The following CUL4A variants were observed in gnomAD, a reference collection of about 807,000 sequenced individuals.
CUL4A encodes the protein cullin 4A.
CUL4A carries 16 observed loss-of-function variants against 95.5 expected under a neutral mutation model. That is an observed-to-expected ratio of 0.17 (90% CI 0.11 to 0.25). The LOEUF is 0.25. Ranked by LOEUF, CUL4A falls within the 10% of genes least tolerant of loss-of-function variation. CUL4A has a pLI of 1.00. For missense variants in CUL4A, 610 were observed against 937.0 expected (o/e 0.65, Z 4.56); for synonymous variants, 380 against 353.1 (o/e 1.08, Z -0.85).
chr13:113,235,027 T>C, intron 7 of CUL4A, 36 bp from the exon 8 acceptor site: 1 of 1,439,482 alleles, frequency 6.9e-7, no homozygotes, highest in Non-Finnish European at 9.7e-7. Context: ...CGACATTCTT[T>C]TTGTTACTGA....
intron 2 of CUL4A, among the ~76,000 whole-genome samples, chr13:113,216,331 A>G (rs901847026): frequency 6.6e-6 from 1 of 152,224 alleles, no homozygotes; most frequent in Admixed American, 6.5e-5. Flanking sequence ...ACTCCAGGCA[A>G]TGCTTTGACA....
chr13:113,233,507 C>T (rs948688327), intron 6 of CUL4A, among the ~76,000 whole-genome samples, 168 bp downstream of exon 6: 2 of 152,054 alleles, frequency 1.3e-5, no homozygotes, highest in African/African-American at 4.8e-5. Context: ...TAACACCACA[C>T]CAGGTGCCAC....
intron 3 of CUL4A, among the ~76,000 whole-genome samples, chr13:113,227,235 C>T (rs186773583): frequency 5.3e-5 from 8 of 152,340 alleles, no homozygotes; most frequent in South Asian, 4.1e-4. Context: ...GAGTGTGGCT[C>T]ATCAACAGCA....
chr13:113,261,969 CAG>C (rs1261765526), intron 19 of CUL4A, among the ~76,000 whole-genome samples: 4 of 152,130 alleles, frequency 2.6e-5, no homozygotes, highest in Admixed American at 2.6e-4. Context: ...TTAGTAGAGA[CAG>C]GGTTTTACCG....
intron 4 of CUL4A, among the ~76,000 whole-genome samples, chr13:113,228,337 C>A (rs2041182597): frequency 6.6e-6 from 1 of 152,224 alleles, no homozygotes; most frequent in South Asian, 2.1e-4. Flanking sequence ...TCCTCAGAAT[C>A]TAGCCTGAAT....
chr13:113,233,439 G>A (rs2041429760), intron 6 of CUL4A, 100 bp downstream of exon 6: 1 of 1,196,288 alleles, frequency 8.4e-7, no homozygotes. Context: ...AATCATAAAG[G>A]CATTTGTTGA....
chr13:113,257,877 C>G (rs1566373598), intron 18 of CUL4A, among the ~76,000 whole-genome samples: 1 of 152,120 alleles, frequency 6.6e-6, no homozygotes, highest in Non-Finnish European at 1.5e-5. Flanking sequence ...CCCATCCTTT[C>G]CAAAACCAAA....
At chr13:113,251,522 C>T (rs1006494850) in intron 15 of CUL4A, among the ~76,000 whole-genome samples, 1 of 151,934 alleles carries the variant, frequency 6.6e-6, no homozygotes, top group African/African-American at 2.4e-5. Context: ...GAATTGTAAT[C>T]ACCACTGCTG....
At chr13:113,229,662 G>T (rs770567049) in intron 5 of CUL4A, 143 bp downstream of exon 5, 3 of 676,978 alleles carry the variant, frequency 4.4e-6, no homozygotes, top group Non-Finnish European at 7.6e-6. Flanking sequence ...TAACGTGAAC[G>T]TAGGAGTCCA....
intron 18 of CUL4A, among the ~76,000 whole-genome samples, chr13:113,258,427 T>A (rs577473166): frequency 6.6e-6 from 1 of 152,370 alleles, no homozygotes; most frequent in African/African-American, 2.4e-5. Context: ...TTTACAGAGC[T>A]TTTATCTTTA....
At chr13:113,214,851 TG>T (rs1383884826) in intron 2 of CUL4A, among the ~76,000 whole-genome samples, 2 of 152,088 alleles carry the variant, frequency 1.3e-5, no homozygotes, top group African/African-American at 4.8e-5. Flanking sequence ...GGTCTCATCC[TG>T]TGTGGCTGTG....
intron 14 of CUL4A, among the ~76,000 whole-genome samples, chr13:113,245,512 T>C (rs2041833189): frequency 6.6e-6 from 1 of 152,152 alleles, no homozygotes; most frequent in Admixed American, 6.5e-5. Flanking sequence ...ACTGCACCAC[T>C]GCGCTCCAGC....
At chr13:113,209,803 AG>A in intron 1 of CUL4A, 28 bp downstream of exon 1, 1 of 1,160,970 alleles carries the variant, frequency 8.6e-7, no homozygotes, top group South Asian at 4.2e-5. Context: ...GTCGAGGGCC[AG>A]GCGCCCCGGG....
intron 14 of CUL4A, 124 bp from the exon 15 acceptor site, chr13:113,245,832 G>A (rs753917813): frequency 2.7e-6 from 2 of 743,012 alleles, no homozygotes; most frequent in Admixed American, 2.8e-5. Context: ...ATACATTCTG[G>A]GGACTGAGAT....
At chr13:113,244,331 C>A in intron 11 of CUL4A, 79 bp from the exon 12 acceptor site, 1 of 1,007,240 alleles carries the variant, frequency 9.9e-7, no homozygotes, top group Non-Finnish European at 1.5e-6. Context: ...CAGAATGTTC[C>A]TGTACAATGT....
chr13:113,241,511 CTTTTTTTTTTT>C (rs10645246), intron 10 of CUL4A, among the ~76,000 whole-genome samples: 5 of 120,096 alleles, frequency 4.2e-5, no homozygotes, highest in African/African-American at 1.5e-4. Flanking sequence ...CTGTTGGCAT[CTTTTTTTTTTT>C]TTTTTTTTTT....
intron 5 of CUL4A, among the ~76,000 whole-genome samples, chr13:113,232,154 G>A (rs1470750338): frequency 3.8e-4 from 6 of 15,770 alleles, no homozygotes; most frequent in African/African-American, 1.4e-3. Flanking sequence ...CACCATTACT[G>A]CTGCCACCAC....
At position 113,264,421 on chromosome 13, in the gene CUL4A, A is replaced by G. The variant is rs1409495450; in HGVS notation, c.*839A>G. 6.6e-6 allele frequency: 1 copy of G among 152,168 alleles called. No individual in the cohort carries two copies. Among genetic ancestry groups the G allele is most frequent in the Non-Finnish European group, 1.5e-5 (1 of 68,032 alleles). The allele number at this position is 152,168 out of a possible 1,614,324, so 9.4% of individuals were successfully genotyped here. A position where few individuals can be genotyped will look rare whatever the true frequency, so the allele number is the denominator to read the frequency against. On this transcript the variant is annotated 3_prime_UTR_variant, in exon 20 of 20. Transcript: ENST00000375440. ...TAATAAAGTTTGGTTTGGTTTTTAC[A>G]GTCATGCGCAGGGACGATCCTTGTT...
At chr13:113,241,439 G>GTC (rs1182642696) in intron 10 of CUL4A, among the ~76,000 whole-genome samples, 2 of 151,796 alleles carry the variant, frequency 1.3e-5, no homozygotes, top group African/African-American at 4.8e-5. Context: ...AGAGTAAGAG[G>GTC]TAAGTCCCTC....
Sources: allele counts gnomAD v4.1 joint callset (sites outside exome capture counted in the v4.1 genomes callset), GRCh38; gene constraint gnomAD v4.1.1; transcripts MANE v1.5; gene names NCBI Gene and HGNC (gene_info 2026-07-23, HGNC 2026-07-21).